UTRN: variants seen among roughly 807,000 people sequenced by gnomAD.
UTRN encodes the protein utrophin.
A neutral mutation model predicts 463.9 loss-of-function variants in UTRN; 283 were observed. The ratio of observed to expected loss-of-function variants is 0.61; its 90% confidence interval spans 0.55 to 0.67. The LOEUF (loss-of-function observed/expected upper bound fraction) is 0.67, where lower values mean the gene tolerates loss of function less well. Among genes scored for constraint, UTRN ranks in the 30% least tolerant of loss-of-function variants. The probability of loss-of-function intolerance (pLI) is 0.00; values close to 1 mark genes in which losing one functional copy is unlikely to be tolerated. For synonymous variants in UTRN, 1,442 were observed against 1,431.5 expected (o/e 1.01, Z -0.17); for missense variants, 3,922 against 4,084.3 (o/e 0.96, Z 1.08).
chr6:144,473,664 T>C lies in UTRN; in HGVS notation c.3067-56T>C, dbSNP rs1461546870. On this transcript the variant is annotated intron_variant, in intron 23 of 74. Transcript: ENST00000367545. ...GTTCCAGTGGCGGTAGATCTTGAGA[T>C]GTAGTAGGCTGAACGTCACGAAGTA... 2.2e-6 allele frequency: 3 copies of C among 1,350,558 alleles called. No individual in the cohort carries two copies. The Admixed American group carries it at 5.5e-5, about 25-fold the overall frequency. The allele number at this position is 1,350,558 out of a possible 1,614,324, so 83.7% of individuals were successfully genotyped here.
intron 55 of UTRN, 74 bp from the exon 56 acceptor site, chr6:144,751,732 T>C (rs1312222613): frequency 7.1e-7 from 1 of 1,418,030 alleles, no homozygotes; most frequent in Non-Finnish European, 9.4e-7. Context: ...CAGACCTAAG[T>C]TATTTAAGGA....
intron 32 of UTRN, 151 bp from the exon 33 acceptor site, chr6:144,493,150 C>T: frequency 1.7e-6 from 1 of 595,644 alleles, no homozygotes; most frequent in Non-Finnish European, 2.7e-6. Flanking sequence ...TTTGACTCGA[C>T]CTTCAGACCA....
intron 66 of UTRN, among the ~76,000 whole-genome samples, chr6:144,824,482 C>T (rs758736002): frequency 9.6e-6 from 1 of 103,822 alleles, no homozygotes; most frequent in African/African-American, 4.3e-5. Context: ...AGTATATATA[C>T]ACATATACAA....
At chr6:144,652,118 T>TGTG (rs1778881396) in intron 51 of UTRN, among the ~76,000 whole-genome samples, 1 of 152,230 alleles carries the variant, frequency 6.6e-6, no homozygotes, top group Non-Finnish European at 1.5e-5. Flanking sequence ...TTTAGCAATT[T>TGTG]CAAATGCAGA....
At chr6:144,698,133 GA>G (rs111570585) in intron 52 of UTRN, among the ~76,000 whole-genome samples, 4 of 152,278 alleles carry the variant, frequency 2.6e-5, no homozygotes, top group African/African-American at 9.6e-5. Flanking sequence ...GAACTACAGA[GA>G]ATTTTCAGTT....
intron 60 of UTRN, among the ~76,000 whole-genome samples, chr6:144,779,119 G>A (rs1201045852): frequency 6.6e-6 from 1 of 152,154 alleles, no homozygotes; most frequent in Non-Finnish European, 1.5e-5. Context: ...GCAGGAAATG[G>A]GCTTTTTGGA....
intron 65 of UTRN, among the ~76,000 whole-genome samples, chr6:144,820,207 G>C (rs921277842): frequency 6.6e-6 from 1 of 152,062 alleles, no homozygotes; most frequent in Non-Finnish European, 1.5e-5. Flanking sequence ...CACCCTAAAT[G>C]ATTATCAAAC....
At chr6:144,566,300 A>G (rs1249494737) in intron 50 of UTRN, among the ~76,000 whole-genome samples, 1 of 152,096 alleles carries the variant, frequency 6.6e-6, no homozygotes, top group Non-Finnish European at 1.5e-5. Flanking sequence ...TGTGAGTGGG[A>G]TGGAGAGTTT....
Position 144,429,665 on chromosome 6 carries a change from T to G in UTRN, c.779T>G (p.Ile260Arg), listed in dbSNP as rs1785617608. 3.1e-6 allele frequency: 5 copies of G among 1,613,262 alleles called. No homozygotes were observed. Among genetic ancestry groups the G allele is most frequent in the Non-Finnish European group, 3.4e-6 (4 of 1,179,582 alleles). ...LFEVLPQQVT[I>R]DAIREVETLP... ...GAGGTGCTACCTCAGCAAGTCACCA[T>G]AGACGCCATCCGTGAGGTAGAGACA... The change falls in exon 9 of 75, where the codon ATA becomes AGA. Residue 260 changes from isoleucine to arginine, a missense_variant. Transcript: ENST00000367545.
chr6:144,816,114 G>A (rs1049944986), intron 65 of UTRN, among the ~76,000 whole-genome samples: 6 of 152,154 alleles, frequency 3.9e-5, no homozygotes, highest in African/African-American at 1.2e-4. Context: ...GAGGACAGAC[G>A]AAAGTACTGA....
At chr6:144,475,335 G>T (rs973960637) in intron 25 of UTRN, among the ~76,000 whole-genome samples, 1 of 152,204 alleles carries the variant, frequency 6.6e-6, no homozygotes, top group Non-Finnish European at 1.5e-5. Flanking sequence ...ACATTCAGGC[G>T]TGGAGAATAG....
Position 144,485,473 on chromosome 6 carries a change from C to T in UTRN, c.3776C>T (p.Thr1259Ile). The T allele has an allele frequency of 6.2e-7, 1 of 1,614,092 alleles. No individual in the cohort carries two copies. Among genetic ancestry groups the T allele is most frequent in the South Asian group, 1.1e-5 (1 of 91,084 alleles). The change falls in exon 28 of 75, where the codon ACA becomes ATA. Residue 1259 changes from threonine to isoleucine, a missense_variant. Thr to Ile is a moderately conservative substitution (Grantham distance 89). Around this residue, in one of 3 missense-constraint regions of UTRN, gnomAD observed 2,349 missense variants for 2,303.8 expected, o/e 1.02. Transcript: ENST00000367545. ...LNTLEERMKS[T>I]EVLPEKTDAV... ...ACTTTGGAAGAGCGGATGAAGAGCA[C>T]AGAGGTCCTGCCTGAGAAGACGGAT...
Position 144,827,388 on chromosome 6 carries a change from T to TGA in UTRN, c.9533+4_9533+5dup. The TGA allele has an allele frequency of 6.2e-7, 1 of 1,613,348 alleles. No homozygotes were observed. The highest frequency in any genetic ancestry group is 8.5e-7 in the Non-Finnish European group (1 of 1,179,596). On this transcript the variant is annotated splice_region_variant and intron_variant, in intron 67 of 74. Coordinates refer to ENST00000367545, the MANE Select transcript of UTRN (RefSeq NM_007124.3). ...CAGTATGTGGCCAGAGCACTATGAG[T>TGA]GAGTATTCATAGCCCACGTGCAGGA...
intron 3 of UTRN, among the ~76,000 whole-genome samples, chr6:144,406,460 A>G (rs964323090): frequency 4.8e-5 from 7 of 146,244 alleles, no homozygotes; most frequent in Non-Finnish European, 8.9e-5. Context: ...TCTGCCTCCC[A>G]GGTTGCAGCG....
chr6:144,837,506 C>T (rs1415196872), intron 71 of UTRN, among the ~76,000 whole-genome samples: 1 of 152,218 alleles, frequency 6.6e-6, no homozygotes, highest in Admixed American at 6.5e-5. Flanking sequence ...AAGAGCTCCT[C>T]TCTCTTGAAG....
At chr6:144,417,766 T>C (rs1336820944) in intron 3 of UTRN, among the ~76,000 whole-genome samples, 1 of 152,244 alleles carries the variant, frequency 6.6e-6, no homozygotes, top group Non-Finnish European at 1.5e-5. Context: ...ATGTATTCTC[T>C]ATGGCTGCTT....
At chr6:144,396,598 G>C (rs1448074127) in intron 2 of UTRN, among the ~76,000 whole-genome samples, 1 of 152,120 alleles carries the variant, frequency 6.6e-6, no homozygotes, top group Non-Finnish European at 1.5e-5. Flanking sequence ...AACTTTAATT[G>C]GGTGAATTAT....
chr6:144,473,809 A>G lies in UTRN; in HGVS notation c.3156A>G (p.Leu1052=), dbSNP rs764300280. Residue 1052 remains leucine, a synonymous_variant, in exon 24 of 75, where the codon CTA becomes CTG. Coordinates refer to ENST00000367545, the MANE Select transcript of UTRN (RefSeq NM_007124.3). Reference sequence around the variant, plus strand: ...CTGCCCAAGGAGACGACGCAGGTCTACAGAGGCAGTTAGACCAGTGCTCTG... The same window carrying G: ...CTGCCCAAGGAGACGACGCAGGTCTGCAGAGGCAGTTAGACCAGTGCTCTG... ...QQAAQGDDAG[L]QRQLDQCSAF... The G allele has an allele frequency of 1.8e-5, 29 of 1,614,000 alleles. No individual in the cohort carries two copies. The highest frequency in any genetic ancestry group is 2.2e-5 in the Non-Finnish European group (26 of 1,179,990).
intron 3 of UTRN, among the ~76,000 whole-genome samples, chr6:144,414,360 T>C (rs57126147): frequency 0.035 from 5,377 of 152,198 alleles, 293 homozygotes; most frequent in African/African-American, 0.11. Flanking sequence ...CAAAAAAGTT[T>C]GAAAACTAAA....
Sources: gnomAD v4.1 joint callset for allele counts (sites outside exome capture counted in the v4.1 genomes callset) on GRCh38, gnomAD v4.1.1 for gene constraint, gnomAD v4.1.1 regional missense constraint, MANE v1.5 for transcripts, NCBI Gene and HGNC (gene_info 2026-07-23, HGNC 2026-07-21) for gene names.